The following FBXO25 variants were observed in gnomAD, a reference collection of about 807,000 sequenced individuals.
FBXO25 encodes the protein F-box only protein 25.
Under a neutral mutation model 51.9 loss-of-function variants are expected in FBXO25, and 45 were observed. The ratio of observed to expected loss-of-function variants is 0.87; its 90% CI spans 0.68 to 1.11. FBXO25 has a LOEUF of 1.11. FBXO25 is among the 50% of genes most tolerant of loss of function. The pLI, the probability that FBXO25 is intolerant of heterozygous loss-of-function variation, is 0.00. For missense variants in FBXO25, 507 were observed against 428.5 expected, an observed-to-expected ratio of 1.18 and a Z score of -1.62; for synonymous variants, 199 against 151.0, an observed-to-expected ratio of 1.32 and a Z score of -2.33.
At position 413,173 on chromosome 8, in the gene FBXO25, C is replaced by A. The variant is rs373203480; in HGVS notation, c.94C>A (p.Leu32Ile). ...WKRCESCSQK[L>I]ERENNRCNIS... is the part of the protein sequence containing the mutation. The stretch of plus-strand genomic sequence containing the variant: ...GAGATGTGAATCTTGTAGTCAGAAA[C>A]TTGAAAGAGAGAATAACCGTTGTAA... The change falls in exon 2 of 10, where the codon CTT becomes ATT. Residue 32 changes from leucine to isoleucine, a missense_variant. Leu to Ile is a conservative substitution (Grantham distance 5, BLOSUM62 2). Transcript: ENST00000350302. 40 of 1,609,386 alleles carry A rather than the reference C, an allele frequency of 2.5e-5. 1 individual carries two copies. The African/African-American group carries it at 5.0e-4, about 20-fold the overall frequency.
chr8:433,625 T>C (rs1797943756), intron 4 of FBXO25, among the ~76,000 whole-genome samples: 1 of 152,226 alleles, frequency 6.6e-6, no homozygotes, highest in African/African-American at 2.4e-5. Context: ...CTGTTTCCTG[T>C]TTCTTTACTA....
At chr8:429,888 G>A (rs1381273530) in intron 2 of FBXO25, among the ~76,000 whole-genome samples, 1 of 152,224 alleles carries the variant, frequency 6.6e-6, no homozygotes, top group Non-Finnish European at 1.5e-5. Flanking sequence ...GGGAGCCACA[G>A]CCATCTAGGC....
At position 468,777 on chromosome 8, in the gene FBXO25, G is replaced by A. The variant is rs1247867037; in HGVS notation, c.1050G>A (p.Gln350=). The A allele has an allele frequency of 6.2e-7, 1 of 1,613,996 alleles. No homozygotes were observed. Among genetic ancestry groups the A allele is most frequent in the East Asian group, 2.2e-5 (1 of 44,838 alleles). The change falls in exon 10 of 10, where the codon CAG becomes CAA. Residue 350 remains glutamine (Q), a synonymous_variant. Transcript: ENST00000350302. ...GCTGCTTCACGCCTGTGTCTCCGCAGCACTTCATCGACCTCTTCAAGTTTT... is the reference window on the plus strand; with the variant it reads ...GCTGCTTCACGCCTGTGTCTCCGCAACACTTCATCGACCTCTTCAAGTTTT... ...PDSCFTPVSP[Q]HFIDLFKF is the part of the protein sequence containing the mutation.
At chr8:423,346 G>C (rs1797270228) in intron 2 of FBXO25, among the ~76,000 whole-genome samples, 1 of 152,164 alleles carries the variant, frequency 6.6e-6, no homozygotes, top group Non-Finnish European at 1.5e-5. Context: ...GTACAGATTT[G>C]TTACATGAAA....
Position 466,783 on chromosome 8 carries a change from A to G in FBXO25, c.988-1932A>G, listed in dbSNP as rs189460786. Among the ~76,000 whole-genome samples the G allele has an allele frequency of 5.9e-4, 90 of 152,194 alleles. 1 individual carries two copies. The highest frequency in any genetic ancestry group is 2.1e-3 in the African/African-American group (88 of 41,520). Reference sequence around the variant, plus strand: ...TTTAACTTTTCTACCTGCCTTAGTCAGCCTTCCACACAGTCTGTAAGTAAC... The same window carrying G: ...TTTAACTTTTCTACCTGCCTTAGTCGGCCTTCCACACAGTCTGTAAGTAAC... On this transcript the variant is annotated intron_variant, in intron 9 of 9. Transcript: ENST00000350302.
intron 5 of FBXO25, among the ~76,000 whole-genome samples, chr8:437,615 C>G (rs1308574275): frequency 1.3e-5 from 2 of 152,356 alleles, no homozygotes; most frequent in Admixed American, 1.3e-4. Context: ...GCCTTTGTGA[C>G]TGTGGTAAAG....
Position 421,713 on chromosome 8 carries a change from T to C in FBXO25, c.134+8500T>C, listed in dbSNP as rs1256371463. On this transcript the variant is annotated intron_variant, in intron 2 of 9. Coordinates refer to ENST00000350302, the MANE Select transcript of FBXO25 (RefSeq NM_183420.2). The stretch of plus-strand genomic sequence containing the variant: ...CTTAGAGCAGTGACACCTGCATCAG[T>C]GACTAGAGCCAGCCTGAGATGGTGG... 2.0e-5 allele frequency among the ~76,000 whole-genome samples: 3 copies of C among 152,118 alleles called. No individual in the cohort carries two copies. In the East Asian group the frequency reaches 5.8e-4, roughly 29 times the overall value.
chr8:421,648 A>G (rs1465503283), intron 2 of FBXO25, among the ~76,000 whole-genome samples: 1 of 152,170 alleles, frequency 6.6e-6, no homozygotes, highest in African/African-American at 2.4e-5. Context: ...TGTGTGAGTT[A>G]GTATAACACA....
intron 5 of FBXO25, among the ~76,000 whole-genome samples, chr8:438,675 T>A (rs530461173): frequency 6.6e-6 from 1 of 152,322 alleles, no homozygotes; most frequent in South Asian, 2.1e-4. Flanking sequence ...AGTGCTGGCA[T>A]CGCTGAGCAC....
intron 2 of FBXO25, among the ~76,000 whole-genome samples, chr8:424,023 G>A (rs1383565123): frequency 6.6e-6 from 1 of 151,852 alleles, no homozygotes; most frequent in Non-Finnish European, 1.5e-5. Flanking sequence ...TGGTTTTGAT[G>A]CATTTCTCTA....
intron 5 of FBXO25, among the ~76,000 whole-genome samples, chr8:439,321 G>A (rs982105351): frequency 7.9e-5 from 12 of 152,218 alleles, no homozygotes; most frequent in African/African-American, 2.7e-4. Context: ...ATGCAGGGCA[G>A]TGCACGGCGT....
Position 456,870 on chromosome 8 carries a change from A to G in FBXO25, c.661-1499A>G, listed in dbSNP as rs552586283. 5.3e-5 allele frequency among the ~76,000 whole-genome samples: 8 copies of G among 152,280 alleles called. No homozygotes were observed. In the South Asian group the frequency reaches 1.7e-3, roughly 32 times the overall value. On this transcript the variant is annotated intron_variant, in intron 7 of 9. Coordinates refer to ENST00000350302, the MANE Select transcript of FBXO25 (RefSeq NM_183420.2). ...AAGGTGCTTCCATAGCGAGGACATTATAGGGGAGCAGGAGAAGAAAGTGGG... is the reference window on the plus strand; with the variant it reads ...AAGGTGCTTCCATAGCGAGGACATTGTAGGGGAGCAGGAGAAGAAAGTGGG...
chr8:435,942 C>T (rs1210735676), intron 5 of FBXO25, among the ~76,000 whole-genome samples: 2 of 152,156 alleles, frequency 1.3e-5, no homozygotes, highest in Non-Finnish European at 2.9e-5. Context: ...CACTCATCTG[C>T]CCTGTGGCTC....
intron 6 of FBXO25, chr8:450,897 C>G (rs1799039289): frequency 5.0e-6 from 1 of 198,972 alleles, no homozygotes; most frequent in Non-Finnish European, 1.0e-5. Flanking sequence ...ACTCATACCA[C>G]CTTAAACACT....
intron 8 of FBXO25, among the ~76,000 whole-genome samples, chr8:459,814 A>G (rs1799691248): frequency 6.6e-6 from 1 of 152,102 alleles, no homozygotes; most frequent in Admixed American, 6.5e-5. Flanking sequence ...TGAGGGATAG[A>G]ATGAGGTGCC....
At chr8:427,332 G>C (rs1313813698) in intron 2 of FBXO25, among the ~76,000 whole-genome samples, 2 of 150,956 alleles carry the variant, frequency 1.3e-5, no homozygotes, top group African/African-American at 4.9e-5. Context: ...TTGAGGATTT[G>C]TTCCACTTTG....
In FBXO25 at chr8:468,876, G is replaced by C; in HGVS notation, c.*72G>C. 1 of 1,443,188 alleles carries C rather than the reference G, an allele frequency of 6.9e-7. No homozygotes were observed. Among genetic ancestry groups the C allele is most frequent in the Non-Finnish European group, 9.5e-7 (1 of 1,052,582 alleles). 89.4% of individuals were successfully genotyped at this position (1,443,188 alleles called of 1,614,324 possible). Reference sequence around the variant, plus strand: ...GTGCAGGGCTCATAGTGAGTGTTCTGTGAGGTGGGTGGAGACTCCTCGGAA... The same window carrying C: ...GTGCAGGGCTCATAGTGAGTGTTCTCTGAGGTGGGTGGAGACTCCTCGGAA... On this transcript the variant is annotated 3_prime_UTR_variant, in exon 10 of 10. Transcript: ENST00000350302.
intron 2 of FBXO25, among the ~76,000 whole-genome samples, chr8:430,289 T>C (rs1422739847): frequency 6.6e-6 from 1 of 152,254 alleles, no homozygotes; most frequent in African/African-American, 2.4e-5. Flanking sequence ...ATCAACACAT[T>C]TCCATAAATT....
chr8:464,278 T>C (rs971796973), intron 9 of FBXO25, among the ~76,000 whole-genome samples: 1 of 152,212 alleles, frequency 6.6e-6, no homozygotes, highest in African/African-American at 2.4e-5. Context: ...TTTCTTAACA[T>C]GTTAATATTA....
Sources: gnomAD v4.1 joint callset for allele counts (sites outside exome capture counted in the v4.1 genomes callset) on GRCh38, gnomAD v4.1.1 for gene constraint, MANE v1.5 for transcripts, NCBI Gene and HGNC (gene_info 2026-07-23, HGNC 2026-07-21) for gene names.